Variants in ARHGAP42 observed in about 807,000 individuals in gnomAD.
The protein encoded by ARHGAP42 is Rho GTPase activating protein 42.
ARHGAP42 carries 63 observed loss-of-function variants against 125.0 expected under a neutral mutation model. That is an observed-to-expected ratio of 0.50 (90% CI 0.41 to 0.62). The LOEUF (loss-of-function observed/expected upper bound fraction) is 0.62. Ranked by LOEUF, ARHGAP42 falls within the 20% of genes least tolerant of loss-of-function variation. ARHGAP42 has a pLI of 0.00. For missense variants in ARHGAP42, 766 were observed against 1,024.2 expected (o/e 0.75, Z 3.44); for synonymous variants, 339 against 351.0 (o/e 0.97, Z 0.38).
In ARHGAP42 at chr11:100,884,484, A is replaced by G. The variant is rs139360933; in HGVS notation, c.384+24859A>G. ...ATTTATTTTAATAAACAATACTGTA[A>G]ATCTAGTAAACTCAAAAGACATCAA... On this transcript the variant is annotated intron_variant, in intron 4 of 23. Coordinates refer to ENST00000298815, the MANE Select transcript of ARHGAP42 (RefSeq NM_152432.4). Among the ~76,000 whole-genome samples, 484 of 152,282 alleles carry G rather than the reference A, an allele frequency of 3.2e-3. 2 individuals carry two copies. Among genetic ancestry groups the G allele is most frequent in the African/African-American group, 0.011 (458 of 41,552 alleles).
At chr11:100,864,700 C>A (rs769128059) in intron 4 of ARHGAP42, among the ~76,000 whole-genome samples, 3 of 152,086 alleles carry the variant, frequency 2.0e-5, no homozygotes, top group Non-Finnish European at 4.4e-5. Context: ...AGACCAGAAG[C>A]CTTTCTACTC....
At chr11:100,845,743 T>A (rs537504864) in intron 3 of ARHGAP42, among the ~76,000 whole-genome samples, 68 of 152,292 alleles carry the variant, frequency 4.5e-4, no homozygotes, top group African/African-American at 1.6e-3. Context: ...TTTCACCTTT[T>A]TGCCCAGTTG....
Position 100,753,368 on chromosome 11 carries a change from C to T in ARHGAP42, c.155-16975C>T, listed in dbSNP as rs187628349. 3.6e-3 allele frequency among the ~76,000 whole-genome samples: 541 copies of T among 152,302 alleles called. 5 individuals are homozygous for T. The highest frequency in any genetic ancestry group is 0.013 in the African/African-American group (523 of 41,574). ...AATTCCAGGCCGTCTTTGCTCAATA[C>T]TGCCCCAGGCCGTCATTCTTTTCCT... is the stretch of plus-strand genomic sequence containing the variant. On this transcript the variant is annotated intron_variant, in intron 1 of 23. Transcript: ENST00000298815.
In ARHGAP42 at chr11:100,992,126, A is replaced by G. The variant is rs1302751201; in HGVS notation, c.*3325A>G. The G allele has an allele frequency of 3.2e-6, 2 of 634,890 alleles. No individual in the cohort carries two copies. The highest frequency in any genetic ancestry group is 2.6e-6 in the Non-Finnish European group (1 of 378,176). 39.3% of individuals were successfully genotyped at this position (634,890 alleles called of 1,614,324 possible). A position where few individuals can be genotyped will look rare whatever the true frequency, so the allele number is the denominator to read the frequency against. On this transcript the variant is annotated 3_prime_UTR_variant, in exon 24 of 24. Transcript: ENST00000298815. The stretch of plus-strand genomic sequence containing the variant: ...TGGTTTCAGTTTAGAAGAGTCCCTC[A>G]GAGCTTTGCCTCAAGCAATTTCAAA...
intron 1 of ARHGAP42, among the ~76,000 whole-genome samples, chr11:100,745,316 T>C (rs1862276444): frequency 6.6e-6 from 1 of 152,204 alleles, no homozygotes; most frequent in Non-Finnish European, 1.5e-5. Flanking sequence ...CTTTAACATG[T>C]CTTGGCTTAG....
chr11:100,711,968 A>G (rs2298609), intron 1 of ARHGAP42, among the ~76,000 whole-genome samples: 87,764 of 152,128 alleles, frequency 0.58, 25,975 homozygotes, highest in African/African-American at 0.72. Flanking sequence ...TCTAACTTTC[A>G]TTATGCTCCC....
intron 3 of ARHGAP42, among the ~76,000 whole-genome samples, chr11:100,828,511 A>T (rs1440566372): frequency 6.6e-6 from 1 of 151,916 alleles, no homozygotes; most frequent in Non-Finnish European, 1.5e-5. Context: ...ATATGTGTGG[A>T]CCCCTGGTGG....
At chr11:100,944,117 G>A (rs1426988010) in intron 10 of ARHGAP42, among the ~76,000 whole-genome samples, 2 of 152,012 alleles carry the variant, frequency 1.3e-5, no homozygotes, top group African/African-American at 4.8e-5. Flanking sequence ...GACTGTATTA[G>A]GAGAAAGTGC....
intron 1 of ARHGAP42, among the ~76,000 whole-genome samples, chr11:100,705,015 A>ACAACAACAACAACAAC: frequency 8.3e-6 from 1 of 121,198 alleles, no homozygotes; most frequent in Non-Finnish European, 1.6e-5. Context: ...AACAACAACA[A>ACAACAACAACAACAAC]AAAAAAAAAA....
chr11:100,762,972 T>G (rs1435054224), intron 1 of ARHGAP42, among the ~76,000 whole-genome samples: 3 of 52,796 alleles, frequency 5.7e-5, no homozygotes, highest in Non-Finnish European at 1.2e-4. Context: ...TTATAGTGAT[T>G]TTTTTTTTTT....
intron 3 of ARHGAP42, among the ~76,000 whole-genome samples, chr11:100,831,644 G>T (rs1318010256): frequency 1.3e-5 from 2 of 152,128 alleles, no homozygotes; most frequent in Non-Finnish European, 2.9e-5. Context: ...GCTCTTGCTG[G>T]GGGTTGCTTG....
intron 7 of ARHGAP42, among the ~76,000 whole-genome samples, chr11:100,935,361 C>T (rs2135263545): frequency 6.6e-6 from 1 of 152,206 alleles, no homozygotes; most frequent in Non-Finnish European, 1.5e-5. Flanking sequence ...AATTTATACA[C>T]TCACCTCTTA....
chr11:100,846,021 G>C (rs185750560), intron 3 of ARHGAP42, among the ~76,000 whole-genome samples: 298 of 152,260 alleles, frequency 2.0e-3, no homozygotes, highest in African/African-American at 6.8e-3. Context: ...TCTCCCTGCT[G>C]TATCCCCAGT....
At chr11:100,855,627 T>C (rs943432617) in intron 3 of ARHGAP42, among the ~76,000 whole-genome samples, 2 of 152,076 alleles carry the variant, frequency 1.3e-5, no homozygotes, top group Non-Finnish European at 2.9e-5. Context: ...AAAGCGTTTC[T>C]AGCCATTACT....
At chr11:100,896,916 T>G (rs987390876) in intron 4 of ARHGAP42, among the ~76,000 whole-genome samples, 1 of 152,234 alleles carries the variant, frequency 6.6e-6, no homozygotes, top group African/African-American at 2.4e-5. Flanking sequence ...TCCTTGCCCA[T>G]GCCTATGTCC....
chr11:100,914,792 C>T (rs1461176365), intron 5 of ARHGAP42, among the ~76,000 whole-genome samples: 2 of 152,122 alleles, frequency 1.3e-5, no homozygotes, highest in Non-Finnish European at 2.9e-5. Flanking sequence ...TCATCCTGGT[C>T]CTCAGCTCTC....
rs762355161 is a variant in ARHGAP42, at chr11:100,974,452, T to A, written c.1711-7T>A. On this transcript the variant is annotated splice_region_variant and splice_polypyrimidine_tract_variant and intron_variant, in intron 18 of 23. Transcript: ENST00000298815. ...TATTGACCTTGGTCCATTTTTCTTA[T>A]ACGTAGATTTTTCATACTGCTCCAG... 7.8e-6 allele frequency: 12 copies of A among 1,547,792 alleles called. No individual in the cohort carries two copies. In the South Asian group the frequency reaches 1.3e-4, roughly 17 times the overall value.
chr11:100,966,399 G>A (rs1452145025), intron 17 of ARHGAP42, among the ~76,000 whole-genome samples: 1 of 152,114 alleles, frequency 6.6e-6, no homozygotes, highest in Non-Finnish European at 1.5e-5. Flanking sequence ...CTTGATTATG[G>A]AAGCTAATAA....
intron 12 of ARHGAP42, among the ~76,000 whole-genome samples, chr11:100,953,214 G>T (rs1857711603): frequency 6.6e-6 from 1 of 151,940 alleles, no homozygotes; most frequent in African/African-American, 2.4e-5. Context: ...CCTGTAACTG[G>T]TATTGGAAAC....
Sources: allele counts gnomAD v4.1 joint callset (sites outside exome capture counted in the v4.1 genomes callset), GRCh38; gene constraint gnomAD v4.1.1; transcripts MANE v1.5; gene names NCBI Gene and HGNC (gene_info 2026-07-23, HGNC 2026-07-21).